The following RBM6 variants were observed in gnomAD, a reference collection of about 807,000 sequenced individuals.
RBM6 encodes the protein RNA-binding protein 6.
A neutral mutation model predicts 140.4 loss-of-function variants in RBM6; 23 were observed. The ratio of observed to expected loss-of-function variants is 0.16; its 90% CI spans 0.12 to 0.23. The LOEUF (loss-of-function observed/expected upper bound fraction) is 0.23, where lower values mean the gene tolerates loss of function less well. Ranked by LOEUF, RBM6 falls within the 10% of genes least tolerant of loss-of-function variation. The pLI is 1.00. For missense variants in RBM6, 1,139 were observed against 1,386.7 expected, an observed-to-expected ratio of 0.82 and a Z score of 2.84; for synonymous variants, 439 against 475.6, an observed-to-expected ratio of 0.92 and a Z score of 1.00.
intron 6 of RBM6, among the ~76,000 whole-genome samples, chr3:50,013,204 A>G (rs2086947852): frequency 6.6e-6 from 1 of 151,914 alleles, no homozygotes. Context: ...GTGAATTTCC[A>G]TTGGGTTGAG....
intron 20 of RBM6, among the ~76,000 whole-genome samples, chr3:50,076,034 T>C (rs556351775): frequency 4.0e-5 from 6 of 151,778 alleles, no homozygotes; most frequent in Non-Finnish European, 8.8e-5. Context: ...AGTGGTGCGA[T>C]CTCAGCTCAC....
At chr3:49,999,297 G>A (rs2086220294) in intron 5 of RBM6, 143 bp from the exon 6 acceptor site, 2 of 649,806 alleles carry the variant, frequency 3.1e-6, no homozygotes, top group Non-Finnish European at 5.5e-6. Context: ...ATTTGGGGTA[G>A]CAACTTTACC....
chr3:49,955,860 C>CTG (rs146300035), intron 1 of RBM6, among the ~76,000 whole-genome samples: 29,593 of 145,282 alleles, frequency 0.2, 3,129 homozygotes, highest in Non-Finnish European at 0.25. Context: ...CTCTCTCTCT[C>CTG]TGTGTGTGTG....
intron 6 of RBM6, chr3:50,047,014 A>G (rs767382890): frequency 8.6e-6 from 2 of 233,592 alleles, no homozygotes; most frequent in Non-Finnish European, 1.4e-5. Flanking sequence ...TTTTATTATC[A>G]TTGTCCTTAG....
At chr3:50,002,763 A>G (rs918054077) in intron 6 of RBM6, among the ~76,000 whole-genome samples, 8 of 152,214 alleles carry the variant, frequency 5.3e-5, no homozygotes, top group Non-Finnish European at 1.2e-4. Flanking sequence ...TAATTCTTTA[A>G]GGAAATGGAT....
At chr3:49,972,328 C>T (rs2084836504) in intron 4 of RBM6, among the ~76,000 whole-genome samples, 180 bp downstream of exon 4, 1 of 152,078 alleles carries the variant, frequency 6.6e-6, no homozygotes, top group Admixed American at 6.6e-5. Context: ...GTATCTAAAC[C>T]AGGAAATTGA....
chr3:50,038,111 C>A (rs972043363), intron 6 of RBM6, among the ~76,000 whole-genome samples: 1 of 151,902 alleles, frequency 6.6e-6, no homozygotes, highest in Admixed American at 6.6e-5. Context: ...TGTGAGCCAC[C>A]GCTGCCGGTT....
intron 5 of RBM6, among the ~76,000 whole-genome samples, chr3:49,982,771 G>C: frequency 6.6e-6 from 1 of 151,564 alleles, no homozygotes; most frequent in East Asian, 1.9e-4. Context: ...AGGCTGGAGT[G>C]CAGTGGTGCA....
At chr3:50,027,187 G>C (rs1312954841) in intron 6 of RBM6, among the ~76,000 whole-genome samples, 1 of 152,116 alleles carries the variant, frequency 6.6e-6, no homozygotes, top group Non-Finnish European at 1.5e-5. Flanking sequence ...TGTTCACTTA[G>C]AGGCTTGGGG....
At chr3:50,010,451 T>G (rs995131467) in intron 6 of RBM6, among the ~76,000 whole-genome samples, 1 of 152,034 alleles carries the variant, frequency 6.6e-6, no homozygotes, top group African/African-American at 2.4e-5. Context: ...GTCTCTTTTT[T>G]GGGATGAGGA....
chr3:50,021,778 A>G (rs1324419580), intron 6 of RBM6, among the ~76,000 whole-genome samples: 2 of 65,646 alleles, frequency 3.0e-5, no homozygotes, highest in African/African-American at 6.0e-5. Flanking sequence ...TTTGAGACAG[A>G]GTCTCACTTT....
intron 5 of RBM6, among the ~76,000 whole-genome samples, chr3:49,976,215 AG>A (rs1453470368): frequency 6.6e-6 from 1 of 152,226 alleles, no homozygotes; most frequent in Non-Finnish European, 1.5e-5. Context: ...TCTTCAAGTA[AG>A]AACATGTCAT....
intron 1 of RBM6, among the ~76,000 whole-genome samples, chr3:49,948,719 A>G (rs1424362906): frequency 2.2e-5 from 3 of 135,908 alleles, no homozygotes; most frequent in African/African-American, 3.3e-5. Flanking sequence ...TCAAAAAAGA[A>G]AAAAAAAAAA....
intron 5 of RBM6, among the ~76,000 whole-genome samples, chr3:49,977,069 C>T (rs1207726445): frequency 5.8e-4 from 88 of 152,098 alleles, no homozygotes; most frequent in Non-Finnish European, 4.4e-5. Context: ...TCATGTTACT[C>T]CCATGTCTAA....
intron 6 of RBM6, among the ~76,000 whole-genome samples, chr3:50,038,371 C>T (rs1385568287): frequency 6.6e-6 from 1 of 152,132 alleles, no homozygotes; most frequent in Non-Finnish European, 1.5e-5. Context: ...ATATTTTCCA[C>T]ATTTATTTAC....
chr3:50,003,159 A>T (rs2086419913), intron 6 of RBM6, among the ~76,000 whole-genome samples: 1 of 151,912 alleles, frequency 6.6e-6, no homozygotes, highest in Non-Finnish European at 1.5e-5. Flanking sequence ...AATAAAATAA[A>T]TATTTGTGGA....
intron 20 of RBM6, among the ~76,000 whole-genome samples, chr3:50,076,315 G>A (rs1021928582): frequency 2.0e-5 from 3 of 150,828 alleles, no homozygotes; most frequent in African/African-American, 7.3e-5. Flanking sequence ...GGGCGCAGTG[G>A]CTTATGCTTG....
intron 5 of RBM6, among the ~76,000 whole-genome samples, chr3:49,998,601 C>T (rs142202729): frequency 6.6e-6 from 1 of 152,290 alleles, no homozygotes; most frequent in East Asian, 1.9e-4. Flanking sequence ...GTGAGTCATA[C>T]AACTCTCAGG....
chr3:50,040,109 T>C (rs1453881389), intron 6 of RBM6, among the ~76,000 whole-genome samples: 2 of 152,042 alleles, frequency 1.3e-5, no homozygotes, highest in African/African-American at 4.8e-5. Context: ...GGAGTGGTAG[T>C]GAAGTGGGTG....
Sources: allele counts gnomAD v4.1 joint callset (sites outside exome capture counted in the v4.1 genomes callset), GRCh38; gene constraint gnomAD v4.1.1; transcripts MANE v1.5; gene names NCBI Gene and HGNC (gene_info 2026-07-23, HGNC 2026-07-21).